The following OTOF variants were observed in gnomAD, a reference collection of about 807,000 sequenced individuals.
OTOF encodes the protein otoferlin, also known as fer-1-like family member 2.
In OTOF, 218 loss-of-function variants were observed where a neutral mutation model predicts 236.8. The ratio of observed to expected loss-of-function variants is 0.92; its 90% CI spans 0.82 to 1.03. The LOEUF (loss-of-function observed/expected upper bound fraction) is 1.03. OTOF is among the 50% of genes least tolerant of loss of function. OTOF has a pLI of 0.00. For synonymous variants in OTOF, 1,041 were observed against 1,072.5 expected, an observed-to-expected ratio of 0.97 and a Z score of 0.57; for missense variants, 2,590 against 2,694.4, an observed-to-expected ratio of 0.96 and a Z score of 0.86.
intron 13 of OTOF, among the ~76,000 whole-genome samples, chr2:26,482,959 A>G (rs1572438932): frequency 1.8e-5 from 2 of 110,102 alleles, no homozygotes; most frequent in African/African-American, 3.6e-5. Context: ...GCATGTGTGC[A>G]CGTGTGAGTG....
chr2:26,501,949 G>A, intron 7 of OTOF, 141 bp from the exon 8 acceptor site: 1 of 722,816 alleles, frequency 1.4e-6, no homozygotes, highest in Non-Finnish European at 2.5e-6. Flanking sequence ...CAAGAATAGT[G>A]AGGATTAGTT....
At chr2:26,557,575 C>G (rs1667624221) in intron 1 of OTOF, among the ~76,000 whole-genome samples, 1 of 152,174 alleles carries the variant, frequency 6.6e-6, no homozygotes, top group Non-Finnish European at 1.5e-5. Flanking sequence ...ACACATGGAA[C>G]CTCTTTCAGT....
At chr2:26,484,712 TG>T in intron 11 of OTOF, 79 bp from the exon 12 acceptor site, 1 of 1,475,238 alleles carries the variant, frequency 6.8e-7, no homozygotes, top group Admixed American at 1.7e-5. Flanking sequence ...GGCCAAGGGG[TG>T]GCAGAACCAA....
At chr2:26,501,663 A>G (rs1666117729) in intron 8 of OTOF, 91 bp downstream of exon 8, 1 of 902,306 alleles carries the variant, frequency 1.1e-6, no homozygotes, top group Admixed American at 1.7e-5. Context: ...CCCTGGATCC[A>G]TGCCTCAGTA....
At chr2:26,526,646 C>T (rs1458316672) in intron 3 of OTOF, among the ~76,000 whole-genome samples, 1 of 152,220 alleles carries the variant, frequency 6.6e-6, no homozygotes, top group East Asian at 1.9e-4. Flanking sequence ...GAATTCTCTG[C>T]CACTAGTATC....
In OTOF at chr2:26,532,092, C is replaced by CAAAAAAAAAAAAAAAAAA. The variant is rs150580671; in HGVS notation, c.139-4190_139-4173dup. Among the ~76,000 whole-genome samples, 12 of 80,198 alleles carry CAAAAAAAAAAAAAAAAAA rather than the reference C, an allele frequency of 1.5e-4. 2 individuals carry two copies. Among genetic ancestry groups the CAAAAAAAAAAAAAAAAAA allele is most frequent in the African/African-American group, 6.3e-4 (10 of 15,822 alleles). 52.6% of individuals were successfully genotyped at this position (80,198 alleles called of 152,430 possible). On this transcript the variant is annotated intron_variant, in intron 2 of 46. Transcript: ENST00000272371. ...TGGGTGACAGAGTAAGACTCCACCT[C>CAAAAAAAAAAAAAAAAAA]AAAAAAAAAAAAAAAAAAAAAAAGA...
chr2:26,497,089 CTTTTTTTTTTTTT>C (rs201349303), intron 8 of OTOF, among the ~76,000 whole-genome samples: 2,422 of 97,792 alleles, frequency 0.025, 94 homozygotes, highest in African/African-American at 0.069. Flanking sequence ...GTACATTCTT[CTTTTTTTTTTTTT>C]TTTTTTTTTT....
rs188297715 is a variant in OTOF at position 26,471,881 on chromosome 2, G to A, written c.3864+638C>T. On this transcript the variant is annotated intron_variant, in intron 30 of 46. Coordinates refer to ENST00000272371, the MANE Select transcript of OTOF (RefSeq NM_194248.3). The stretch of plus-strand genomic sequence containing the variant: ...CACACATGCACATATGCACACAAGC[G>A]CACATGCACACATATATGCATATAT... 1.9e-3 allele frequency among the ~76,000 whole-genome samples: 280 copies of A among 146,734 alleles called. 1 individual carries two copies. In the Middle Eastern group the frequency reaches 0.047, roughly 24 times the overall value.
chr2:26,461,347 G>T lies in OTOF; in HGVS notation c.5534-317C>A, dbSNP rs569813361. ...AATCCCACAAGCTTTTGCAGATGCA[G>T]ATTAGAGTTTTAGGGAGAATCCCTG... On this transcript the variant is annotated intron_variant, in intron 43 of 46. Transcript: ENST00000272371. This position sits in a 1 kb window ranked among gnomAD's most constrained non-coding sequence, Gnocchi z 6.2. Among the ~76,000 whole-genome samples the T allele has an allele frequency of 6.6e-6, 1 of 152,330 alleles. No individual in the cohort carries two copies. The highest frequency in any genetic ancestry group is 6.5e-5 in the Admixed American group (1 of 15,304).
intron 11 of OTOF, among the ~76,000 whole-genome samples, chr2:26,487,430 T>C (rs534810974): frequency 4.6e-5 from 7 of 151,312 alleles, no homozygotes; most frequent in South Asian, 2.1e-4. Flanking sequence ...TCGGCCCACA[T>C]CCTGTTTCTG....
At chr2:26,521,038 T>G (rs552994925) in intron 3 of OTOF, among the ~76,000 whole-genome samples, 1 of 152,270 alleles carries the variant, frequency 6.6e-6, no homozygotes, top group East Asian at 1.9e-4. Context: ...ACTTCAAGCT[T>G]CTAATGTGAA....
chr2:26,476,150 T>C lies in OTOF; in HGVS notation c.2844A>G (p.Pro948=). 1 of 1,610,716 alleles carries C rather than the reference T, an allele frequency of 6.2e-7. No homozygotes were observed. Among genetic ancestry groups the C allele is most frequent in the Non-Finnish European group, 8.5e-7 (1 of 1,179,290 alleles). The change falls in exon 23 of 47, where the codon CCA becomes CCG. Residue 948 remains proline, a synonymous_variant. Transcript: ENST00000272371. ...CACTGGTGTAGACCAGGCTGACGGG[T>C]GGGAAGGCATGCAGGCCCAGGCCCT... The part of the protein sequence containing the change: ...AAQGLGLHAF[P]PVSLVYTKKQ...
At chr2:26,530,322 C>T (rs1459266635) in intron 2 of OTOF, among the ~76,000 whole-genome samples, 2 of 152,028 alleles carry the variant, frequency 1.3e-5, no homozygotes, top group African/African-American at 2.4e-5. Context: ...GAGTGAGAGT[C>T]GGGGGACAGG....
intron 2 of OTOF, 40 bp from the exon 3 acceptor site, chr2:26,527,960 C>T (rs1379103421): frequency 2.8e-6 from 4 of 1,429,958 alleles, no homozygotes; most frequent in Non-Finnish European, 4.0e-6. Flanking sequence ...GTGGCAATAA[C>T]AGGTAGGAGC....
At chr2:26,503,174 G>C (rs1193691402) in intron 6 of OTOF, among the ~76,000 whole-genome samples, 1 of 152,326 alleles carries the variant, frequency 6.6e-6, no homozygotes, top group African/African-American at 2.4e-5. Context: ...TGATGGAGAA[G>C]ATGGCCCCCT....
intron 5 of OTOF, among the ~76,000 whole-genome samples, chr2:26,506,183 G>A (rs1666242855): frequency 6.6e-6 from 1 of 152,166 alleles, no homozygotes. Flanking sequence ...GTCACTTCCT[G>A]TCTCAGTGCT....
chr2:26,473,858 TG>T lies in OTOF; in HGVS notation c.3408+132del. On this transcript the variant is annotated intron_variant, in intron 27 of 46. Transcript: ENST00000272371. This position sits in a 1 kb window ranked among gnomAD's most constrained non-coding sequence, Gnocchi z 7.2. ...ACTTGGTGCAGATGGGGGCAGGCCC[TG>T]GGCTGGGGCAGGAGCCTGGGTCTGC... is the stretch of plus-strand genomic sequence containing the variant. The T allele has an allele frequency of 8.0e-7, 1 of 1,249,166 alleles. No individual in the cohort carries two copies. The highest frequency in any genetic ancestry group is 1.2e-6 in the Non-Finnish European group (1 of 856,826). The allele number at this position is 1,249,166 out of a possible 1,614,324, so 77.4% of individuals were successfully genotyped here.
intron 22 of OTOF, 65 bp downstream of exon 22, chr2:26,476,826 C>T (rs1227414052): frequency 1.3e-6 from 2 of 1,486,480 alleles, no homozygotes; most frequent in African/African-American, 1.4e-5. Context: ...GCTTCCAGCC[C>T]CAGGTGGGGG....
intron 10 of OTOF, 75 bp downstream of exon 10, chr2:26,489,603 G>A (rs1296521784): frequency 7.8e-7 from 1 of 1,280,848 alleles, no homozygotes; most frequent in African/African-American, 1.5e-5. Context: ...TAGACAGAGG[G>A]GGCCCCTCTC....
Sources: allele counts gnomAD v4.1 joint callset (sites outside exome capture counted in the v4.1 genomes callset), GRCh38; gene constraint gnomAD v4.1.1; non-coding constraint Gnocchi (gnomAD v3.1); transcripts MANE v1.5; gene names NCBI Gene and HGNC (gene_info 2026-07-23, HGNC 2026-07-21).